EFCAB5: variants seen among roughly 807,000 people sequenced by gnomAD.
The protein encoded by EFCAB5 is EF-hand calcium binding domain 5, also known as EF-hand calcium-binding domain-containing protein 5.
In EFCAB5, 131 loss-of-function variants were observed where a neutral mutation model predicts 167.9. The ratio of observed to expected loss-of-function variants is 0.78; its 90% CI spans 0.68 to 0.90. The LOEUF (loss-of-function observed/expected upper bound fraction) is 0.90. Among genes scored for constraint, EFCAB5 ranks in the 40% least tolerant of loss-of-function variants. The pLI is 0.00. For missense variants in EFCAB5, 1,663 were observed against 1,745.2 expected, an observed-to-expected ratio of 0.95 and a Z score of 0.84; for synonymous variants, 574 against 602.8, an observed-to-expected ratio of 0.95 and a Z score of 0.70.
chr17:29,968,906 T>G lies in EFCAB5; in HGVS notation c.306T>G (p.Asp102Glu). 6.3e-7 allele frequency: 1 copy of G among 1,575,024 alleles called. No individual in the cohort carries two copies. Among genetic ancestry groups the G allele is most frequent in the Non-Finnish European group, 8.6e-7 (1 of 1,159,402 alleles). ...CTGCAAAAGTGATTTTTGCTTTAGA[T>G]GAAACTGAACTGAAATCAAAGCCAG... ...RKSAKVIFAL[D>E]ETELKSKPEH... The change falls in exon 4 of 23, where the codon GAT becomes GAG. Residue 102 changes from aspartate (D) to glutamate (E), a missense_variant. Transcript: ENST00000394835.
intron 14 of EFCAB5, among the ~76,000 whole-genome samples, chr17:30,060,327 TTTC>T (rs551706243): frequency 2.7e-3 from 413 of 152,290 alleles, no homozygotes; most frequent in Non-Finnish European, 5.2e-3. Flanking sequence ...GGCTTGCAAA[TTTC>T]TTCTTCAATT....
chr17:29,994,133 AATATATATATATATATATATATATAT>A lies in EFCAB5; in HGVS notation c.924+831_924+856del, dbSNP rs55875315. Among the ~76,000 whole-genome samples the A allele has an allele frequency of 4.0e-3, 226 of 55,858 alleles. 4 individuals are homozygous for A. Among genetic ancestry groups the A allele is most frequent in the Middle Eastern group, 0.025 (3 of 120 alleles). 36.6% of individuals were successfully genotyped at this position (55,858 alleles called of 152,430 possible). A position where few individuals can be genotyped will look rare whatever the true frequency, so the allele number is the denominator to read the frequency against. ...AAACAAAACAACAACAACAACAACA[AATATATATATATATATATATATATAT>A]ATATATATATATATATATGTGATAT... On this transcript the variant is annotated intron_variant, in intron 5 of 22. Transcript: ENST00000394835.
intron 4 of EFCAB5, among the ~76,000 whole-genome samples, chr17:29,984,980 T>G (rs2068251160): frequency 6.6e-6 from 1 of 152,210 alleles, no homozygotes; most frequent in Non-Finnish European, 1.5e-5. Flanking sequence ...TTTTAAAATA[T>G]GTCAGATTGT....
chr17:29,961,432 C>A (rs912498576), intron 3 of EFCAB5, among the ~76,000 whole-genome samples: 2 of 152,022 alleles, frequency 1.3e-5, no homozygotes, highest in East Asian at 3.9e-4. Context: ...TGACATAATT[C>A]TTTGATGTAC....
chr17:30,020,061 G>C (rs976814473), intron 7 of EFCAB5, among the ~76,000 whole-genome samples: 10 of 152,090 alleles, frequency 6.6e-5, no homozygotes, highest in African/African-American at 2.4e-4. Flanking sequence ...ATTTCACTTA[G>C]CATAATGTCT....
At chr17:30,040,661 A>G (rs551152411) in intron 8 of EFCAB5, among the ~76,000 whole-genome samples, 1 of 152,356 alleles carries the variant, frequency 6.6e-6, no homozygotes, top group South Asian at 2.1e-4. Context: ...GAAACTATAA[A>G]GTGAAAGAGG....
At chr17:30,006,064 C>T (rs553764246) in intron 7 of EFCAB5, among the ~76,000 whole-genome samples, 6 of 152,304 alleles carry the variant, frequency 3.9e-5, no homozygotes, top group African/African-American at 9.6e-5. Context: ...TATGTCTTTG[C>T]GTGTAAATTC....
At chr17:30,044,205 A>T (rs1308679917) in intron 8 of EFCAB5, among the ~76,000 whole-genome samples, 3 of 152,224 alleles carry the variant, frequency 2.0e-5, no homozygotes, top group Non-Finnish European at 4.4e-5. Flanking sequence ...TCAATTATTT[A>T]TCAGATAAAT....
At chr17:29,990,188 T>G (rs568459572) in intron 4 of EFCAB5, among the ~76,000 whole-genome samples, 2 of 152,324 alleles carry the variant, frequency 1.3e-5, no homozygotes, top group South Asian at 4.1e-4. Context: ...CCAACTATGT[T>G]AAATTGAGCG....
At chr17:30,044,280 T>A (rs1206566101) in intron 8 of EFCAB5, among the ~76,000 whole-genome samples, 1 of 151,986 alleles carries the variant, frequency 6.6e-6, no homozygotes, top group Non-Finnish European at 1.5e-5. Context: ...CTGGAATGAA[T>A]AAAATTAAAA....
chr17:29,996,214 A>G (rs571788629), intron 5 of EFCAB5, 98 bp from the exon 6 acceptor site: 437 of 999,550 alleles, frequency 4.4e-4, no homozygotes, highest in Non-Finnish European at 6.1e-4. Flanking sequence ...ATACTAAAAC[A>G]GAAAGACTAT....
rs184850584 is a variant in EFCAB5 at position 30,075,339 on chromosome 17, C to G, written c.2738-2876C>G. 6.6e-5 allele frequency among the ~76,000 whole-genome samples: 10 copies of G among 152,274 alleles called. No homozygotes were observed. The East Asian group carries it at 1.9e-3, about 29-fold the overall frequency. On this transcript the variant is annotated intron_variant, in intron 14 of 22. Transcript: ENST00000394835. ...TTCTGACACCCCTCAACAGATCACC[C>G]CCTCCAAGTGGATGCCCTTTACATA...
intron 3 of EFCAB5, among the ~76,000 whole-genome samples, chr17:29,944,337 T>A (rs925515607): frequency 5.3e-4 from 80 of 152,306 alleles, no homozygotes; most frequent in African/African-American, 1.9e-3. Flanking sequence ...TGTCTCAGCC[T>A]CCAGAGTCAC....
intron 4 of EFCAB5, among the ~76,000 whole-genome samples, chr17:29,986,636 C>CTTT (rs1196821046): frequency 4.2e-4 from 37 of 87,972 alleles, no homozygotes; most frequent in African/African-American, 1.8e-3. Flanking sequence ...GGAGTATATT[C>CTTT]ATTTTTTTTT....
chr17:30,104,838 A>G (rs754732583), intron 22 of EFCAB5, among the ~76,000 whole-genome samples: 12 of 152,186 alleles, frequency 7.9e-5, no homozygotes, highest in Non-Finnish European at 1.3e-4. Flanking sequence ...CTCGGTAACA[A>G]TAACACAGGA....
At chr17:30,048,340 A>T (rs893371930) in intron 8 of EFCAB5, among the ~76,000 whole-genome samples, 2 of 147,934 alleles carry the variant, frequency 1.4e-5, no homozygotes, top group African/African-American at 5.3e-5. Flanking sequence ...GTCTGCCAGA[A>T]TGTTAAAAAA....
intron 14 of EFCAB5, among the ~76,000 whole-genome samples, chr17:30,077,418 A>G (rs907739539): frequency 6.6e-6 from 1 of 152,154 alleles, no homozygotes; most frequent in Non-Finnish European, 1.5e-5. Context: ...ATATATTGCT[A>G]TGTAACTATA....
chr17:29,991,695 A>G (rs2068423609), intron 4 of EFCAB5, among the ~76,000 whole-genome samples: 1 of 152,110 alleles, frequency 6.6e-6, no homozygotes, highest in African/African-American at 2.4e-5. Context: ...TGCTGCAGAG[A>G]TTTTGTTTAT....
intron 21 of EFCAB5, 91 bp downstream of exon 21, chr17:30,092,248 T>C: frequency 2.2e-6 from 3 of 1,342,310 alleles, no homozygotes; most frequent in Non-Finnish European, 3.0e-6. Context: ...ATCATAAGGG[T>C]ACAAATGCAA....
Sources: gnomAD v4.1 joint callset for allele counts (sites outside exome capture counted in the v4.1 genomes callset) on GRCh38, gnomAD v4.1.1 for gene constraint, MANE v1.5 for transcripts, NCBI Gene and HGNC (gene_info 2026-07-23, HGNC 2026-07-21) for gene names.